The following TBC1D22A variants were observed in gnomAD, a reference collection of about 807,000 sequenced individuals.
TBC1D22A encodes the protein TBC1 domain family member 22A, also known as putative GTPase activator.
In TBC1D22A, 38 loss-of-function variants were observed where a neutral mutation model predicts 60.2. The ratio of observed to expected loss-of-function variants is 0.63; its 90% confidence interval spans 0.49 to 0.83. The LOEUF (loss-of-function observed/expected upper bound fraction) is 0.83, where lower values mean the gene tolerates loss of function less well. Among genes scored for constraint, TBC1D22A ranks in the 40% least tolerant of loss-of-function variants. The pLI is 0.00. For synonymous variants in TBC1D22A, 302 were observed against 281.7 expected, an observed-to-expected ratio of 1.07 and a Z score of -0.72; for missense variants, 628 against 701.0, an observed-to-expected ratio of 0.90 and a Z score of 1.18.
intron 10 of TBC1D22A, among the ~76,000 whole-genome samples, chr22:47,011,174 G>A (rs1036647835): frequency 1.3e-5 from 2 of 152,186 alleles, no homozygotes; most frequent in Non-Finnish European, 2.9e-5. Context: ...CTGGGTTGGT[G>A]CACAGGAGAG....
chr22:47,122,682 G>A (rs1331629197), intron 12 of TBC1D22A, among the ~76,000 whole-genome samples: 1 of 152,248 alleles, frequency 6.6e-6, no homozygotes, highest in Non-Finnish European at 1.5e-5. Context: ...GGGCATCTGT[G>A]ATTTACAGAG....
intron 4 of TBC1D22A, among the ~76,000 whole-genome samples, chr22:46,833,612 G>C (rs1483761589): frequency 6.6e-6 from 1 of 152,210 alleles, no homozygotes; most frequent in Admixed American, 6.5e-5. Flanking sequence ...ATATTCAAAG[G>C]AAGGGAGGAA....
At chr22:46,819,306 G>C (rs2085729737) in intron 4 of TBC1D22A, among the ~76,000 whole-genome samples, 1 of 152,130 alleles carries the variant, frequency 6.6e-6, no homozygotes, top group Non-Finnish European at 1.5e-5. Flanking sequence ...TCCTTGTCTT[G>C]TACCAGTTTT....
At chr22:46,897,652 G>T (rs6009031) in intron 7 of TBC1D22A, among the ~76,000 whole-genome samples, 1,924 of 110,988 alleles carry the variant, frequency 0.017, 65 homozygotes, top group African/African-American at 0.057. Flanking sequence ...TTTTTTTTGT[G>T]TTTTTTTTTT....
chr22:47,027,782 T>C (rs544741999), intron 10 of TBC1D22A, among the ~76,000 whole-genome samples: 2 of 152,366 alleles, frequency 1.3e-5, no homozygotes, highest in South Asian at 4.1e-4. Flanking sequence ...CAGATGATAC[T>C]ATTAATATAA....
At chr22:47,007,746 G>A (rs1187071951) in intron 10 of TBC1D22A, among the ~76,000 whole-genome samples, 1 of 152,138 alleles carries the variant, frequency 6.6e-6, no homozygotes, top group Non-Finnish European at 1.5e-5. Context: ...GGAGCTCTCT[G>A]CCATCTCTTA....
chr22:47,105,370 G>A (rs1277059747), intron 11 of TBC1D22A, among the ~76,000 whole-genome samples: 1 of 152,150 alleles, frequency 6.6e-6, no homozygotes, highest in African/African-American at 2.4e-5. Context: ...AACCACAAAG[G>A]TGAGACTATC....
intron 1 of TBC1D22A, chr22:46,774,319 C>A: frequency 1.1e-6 from 1 of 939,220 alleles, no homozygotes; most frequent in Non-Finnish European, 1.3e-6. Flanking sequence ...GGGAACAGGG[C>A]TGCCTGGGCT....
At chr22:46,900,737 CT>C (rs1320589382) in intron 7 of TBC1D22A, among the ~76,000 whole-genome samples, 1 of 152,136 alleles carries the variant, frequency 6.6e-6, no homozygotes, top group Non-Finnish European at 1.5e-5. Context: ...TTGCCTTTTC[CT>C]GCTGAGTAGT....
At chr22:47,056,532 A>C (rs929722334) in intron 11 of TBC1D22A, among the ~76,000 whole-genome samples, 1 of 149,442 alleles carries the variant, frequency 6.7e-6, no homozygotes, top group African/African-American at 2.5e-5. Context: ...TCCGTCACCA[A>C]CTCCTCCCTC....
In TBC1D22A at chr22:47,173,317, G is replaced by C. The variant is rs1296474611; in HGVS notation, c.1426-181G>C. ...TTTCCTGGGTCACCCACCCTCCACT[G>C]TGGGTCACCTCCTCTGACCTGGGCT... On this transcript the variant is annotated intron_variant, in intron 12 of 12. Transcript: ENST00000337137. Among the ~76,000 whole-genome samples, 6 of 152,194 alleles carry C rather than the reference G, an allele frequency of 3.9e-5. No homozygotes were observed. In the East Asian group the frequency reaches 1.2e-3, roughly 29 times the overall value.
At chr22:47,019,961 A>G (rs981667655) in intron 10 of TBC1D22A, among the ~76,000 whole-genome samples, 16 of 133,764 alleles carry the variant, frequency 1.2e-4, no homozygotes, top group African/African-American at 4.1e-4. Flanking sequence ...TTAACCCTCC[A>G]TCCTCCCCTC....
intron 7 of TBC1D22A, among the ~76,000 whole-genome samples, chr22:46,910,474 A>G (rs1289781503): frequency 6.6e-6 from 1 of 152,044 alleles, no homozygotes; most frequent in East Asian, 1.9e-4. Flanking sequence ...CTGAGTTTGT[A>G]TGGCAGCGAT....
chr22:47,107,915 T>G (rs1384826575), intron 11 of TBC1D22A, among the ~76,000 whole-genome samples: 2 of 152,228 alleles, frequency 1.3e-5, no homozygotes, highest in Non-Finnish European at 2.9e-5. Flanking sequence ...TAAAACTTTA[T>G]AAACCTTCTA....
rs111892635 is a variant in TBC1D22A, at chr22:47,153,660, C to T, written c.1426-19838C>T. Among the ~76,000 whole-genome samples the T allele has an allele frequency of 2.4e-3, 358 of 152,050 alleles. 1 individual carries two copies. Among genetic ancestry groups the T allele is most frequent in the African/African-American group, 8.1e-3 (337 of 41,474 alleles). Reference sequence around the variant, plus strand: ...CCAGGAGTGAGCCGGGAAGCAGGTGCGTTTGCAGGATGCCTAGGAGGTGTG... The same window carrying T: ...CCAGGAGTGAGCCGGGAAGCAGGTGTGTTTGCAGGATGCCTAGGAGGTGTG... On this transcript the variant is annotated intron_variant, in intron 12 of 12. Coordinates refer to ENST00000337137, the MANE Select transcript of TBC1D22A (RefSeq NM_014346.5).
chr22:47,082,552 T>C (rs2064513404), intron 11 of TBC1D22A, among the ~76,000 whole-genome samples: 1 of 152,208 alleles, frequency 6.6e-6, no homozygotes. Context: ...ATAGCCCACT[T>C]TAAAAGTGGA....
chr22:47,172,741 C>A (rs184545820), intron 12 of TBC1D22A, among the ~76,000 whole-genome samples: 4 of 152,272 alleles, frequency 2.6e-5, no homozygotes, highest in African/African-American at 9.6e-5. Context: ...GGAAGCTGGG[C>A]CTCGGGGTGG....
intron 4 of TBC1D22A, among the ~76,000 whole-genome samples, chr22:46,854,338 G>A (rs897309008): frequency 1.3e-5 from 2 of 152,116 alleles, no homozygotes; most frequent in Non-Finnish European, 2.9e-5. Flanking sequence ...AGTGCACGGC[G>A]CAGACACTGC....
chr22:47,025,511 G>C (rs958396556), intron 10 of TBC1D22A, among the ~76,000 whole-genome samples: 1 of 152,180 alleles, frequency 6.6e-6, no homozygotes, highest in African/African-American at 2.4e-5. Flanking sequence ...ATGTATCATA[G>C]AAGAAACAAA....
Sources: allele counts gnomAD v4.1 joint callset (sites outside exome capture counted in the v4.1 genomes callset), GRCh38; gene constraint gnomAD v4.1.1; transcripts MANE v1.5; gene names NCBI Gene and HGNC (gene_info 2026-07-23, HGNC 2026-07-21).